Variants in FBXW4 observed in about 807,000 individuals in gnomAD.
FBXW4 encodes the protein F-box and WD repeat domain containing 4, also known as F-box/WD repeat-containing protein 4.
In FBXW4, 40 loss-of-function variants were observed where a neutral mutation model predicts 61.8. The ratio of observed to expected loss-of-function variants is 0.65; its 90% confidence interval spans 0.50 to 0.84. The LOEUF is 0.84. Among genes scored for constraint, FBXW4 ranks in the 40% least tolerant of loss-of-function variants. The pLI is 0.00. For synonymous variants in FBXW4, 311 were observed against 313.8 expected (o/e 0.99, Z 0.10); for missense variants, 672 against 753.8 (o/e 0.89, Z 1.27).
Position 101,628,027 on chromosome 10 carries a change from G to T in FBXW4, c.1236-3217C>A, listed in dbSNP as rs554800453. On this transcript the variant is annotated intron_variant, in intron 5 of 8. Transcript: ENST00000331272. ...GCGAGATGTCTTCAACCAGATTCTCGTCACATCCCTCACGGTGCTGGCTCC... is the reference window on the plus strand; with the variant it reads ...GCGAGATGTCTTCAACCAGATTCTCTTCACATCCCTCACGGTGCTGGCTCC... The T allele has an allele frequency of 5.1e-6, 5 of 976,284 alleles. No homozygotes were observed. The East Asian group carries it at 4.6e-4, about 89-fold the overall frequency. 60.5% of individuals were successfully genotyped at this position (976,284 alleles called of 1,614,324 possible).
intron 5 of FBXW4, among the ~76,000 whole-genome samples, chr10:101,654,492 AGCT>A (rs2064170176): frequency 6.6e-6 from 1 of 152,230 alleles, no homozygotes; most frequent in South Asian, 2.1e-4. Context: ...TTCTCTCCAT[AGCT>A]GCCTGATATT....
chr10:101,670,050 C>T (rs1054172515), intron 4 of FBXW4, among the ~76,000 whole-genome samples: 1 of 152,088 alleles, frequency 6.6e-6, no homozygotes, highest in African/African-American at 2.4e-5. Flanking sequence ...CCACCGCGCC[C>T]GGCCGGGAGT....
intron 5 of FBXW4, among the ~76,000 whole-genome samples, chr10:101,631,648 GAC>G (rs2063957981): frequency 2.1e-5 from 3 of 140,852 alleles, no homozygotes; most frequent in Admixed American, 1.4e-4. Context: ...TTTTTTTTGA[GAC>G]AGAGTCTCGC....
intron 5 of FBXW4, among the ~76,000 whole-genome samples, chr10:101,653,729 A>C (rs1393592685): frequency 1.3e-5 from 2 of 152,184 alleles, no homozygotes; most frequent in Non-Finnish European, 2.9e-5. Context: ...TTGTTTCCGC[A>C]ATTGCACTAT....
intron 1 of FBXW4, among the ~76,000 whole-genome samples, chr10:101,687,190 A>C (rs1477877930): frequency 2.6e-5 from 4 of 152,018 alleles, no homozygotes; most frequent in African/African-American, 9.7e-5. Context: ...CCCCATCCTC[A>C]TCCCCCCTAC....
At chr10:101,654,751 T>A (rs1243187014) in intron 5 of FBXW4, among the ~76,000 whole-genome samples, 7 of 152,240 alleles carry the variant, frequency 4.6e-5, no homozygotes, top group African/African-American at 1.7e-4. Flanking sequence ...AATGGCTACA[T>A]AGCATTTTAT....
chr10:101,666,118 G>T (rs1224224705), intron 5 of FBXW4, among the ~76,000 whole-genome samples: 1 of 152,192 alleles, frequency 6.6e-6, no homozygotes, highest in African/African-American at 2.4e-5. Flanking sequence ...AACTGAGGAG[G>T]AGACAAAGCT....
chr10:101,693,229 C>A (rs749549777), intron 1 of FBXW4, among the ~76,000 whole-genome samples: 62 of 152,198 alleles, frequency 4.1e-4, no homozygotes, highest in Non-Finnish European at 7.6e-4. Flanking sequence ...CCTCTGCAAA[C>A]CATAACCTTT....
At chr10:101,663,941 G>A (rs1045771541) in intron 5 of FBXW4, among the ~76,000 whole-genome samples, 2 of 152,170 alleles carry the variant, frequency 1.3e-5, no homozygotes, top group African/African-American at 4.8e-5. Context: ...CAATAAGATG[G>A]GTAGAAGGGT....
At chr10:101,690,976 C>G (rs2064594456) in intron 1 of FBXW4, among the ~76,000 whole-genome samples, 4 of 152,160 alleles carry the variant, frequency 2.6e-5, no homozygotes, top group Admixed American at 2.6e-4. Flanking sequence ...TTACTATGTG[C>G]TTAATGCTGT....
At chr10:101,683,798 C>T (rs150086197) in intron 1 of FBXW4, among the ~76,000 whole-genome samples, 5 of 152,126 alleles carry the variant, frequency 3.3e-5, no homozygotes, top group African/African-American at 7.2e-5. Flanking sequence ...ACCAACTGCA[C>T]GGATGGCATG....
At chr10:101,625,159 C>A in intron 5 of FBXW4, 1 of 265,098 alleles carries the variant, frequency 3.8e-6, no homozygotes. Flanking sequence ...TTTAGGAATC[C>A]CAAGAGCACA....
intron 1 of FBXW4, among the ~76,000 whole-genome samples, chr10:101,686,872 C>A (rs769265501): frequency 1.3e-5 from 2 of 152,034 alleles, no homozygotes; most frequent in Non-Finnish European, 2.9e-5. Context: ...ATGAAGTTCT[C>A]CCTTAGCAAC....
At chr10:101,633,382 C>T (rs2063974566) in intron 5 of FBXW4, among the ~76,000 whole-genome samples, 1 of 152,100 alleles carries the variant, frequency 6.6e-6, no homozygotes, top group South Asian at 2.1e-4. Flanking sequence ...GTTCTCATAA[C>T]TGGGAGCTGA....
At chr10:101,682,047 C>T (rs1366013630) in intron 1 of FBXW4, among the ~76,000 whole-genome samples, 2 of 151,930 alleles carry the variant, frequency 1.3e-5, no homozygotes, top group Non-Finnish European at 2.9e-5. Flanking sequence ...ACACCTAAAA[C>T]GAAGTACAAT....
intron 1 of FBXW4, among the ~76,000 whole-genome samples, chr10:101,693,496 T>C (rs2064633910): frequency 6.6e-6 from 1 of 152,228 alleles, no homozygotes; most frequent in Admixed American, 6.5e-5. Context: ...CAATTATATG[T>C]GCAACTGAAA....
At chr10:101,682,407 T>C (rs1396157555) in intron 1 of FBXW4, among the ~76,000 whole-genome samples, 2 of 151,442 alleles carry the variant, frequency 1.3e-5, no homozygotes, top group East Asian at 4.1e-4. Context: ...CCAAAGGAAC[T>C]GAAATCTAAA....
intron 5 of FBXW4, among the ~76,000 whole-genome samples, chr10:101,638,565 T>G (rs2134839911): frequency 6.6e-6 from 1 of 151,904 alleles, no homozygotes; most frequent in South Asian, 2.1e-4. Flanking sequence ...CTATTCTATA[T>G]ATTTTAAATT....
chr10:101,670,293 C>T (rs2064347306), intron 4 of FBXW4, among the ~76,000 whole-genome samples: 1 of 152,220 alleles, frequency 6.6e-6, no homozygotes, highest in Non-Finnish European at 1.5e-5. Context: ...CCAGTTGCTA[C>T]TTATTATCTT....
Sources: allele counts gnomAD v4.1 joint callset (sites outside exome capture counted in the v4.1 genomes callset), GRCh38; gene constraint gnomAD v4.1.1; transcripts MANE v1.5; gene names NCBI Gene and HGNC (gene_info 2026-07-23, HGNC 2026-07-21).